The following DNAH8 variants were observed in gnomAD, a reference collection of about 807,000 sequenced individuals.
DNAH8 encodes dynein axonemal heavy chain 8.
DNAH8 carries 382 observed loss-of-function variants against 562.1 expected under a neutral mutation model. The observed-to-expected ratio is 0.68, with a 90% confidence interval of 0.63 to 0.74. The LOEUF is 0.74. Among genes scored for constraint, DNAH8 ranks in the 30% least tolerant of loss-of-function variants. The probability of loss-of-function intolerance (pLI) is 0.00; values close to 1 mark genes in which losing one functional copy is unlikely to be tolerated. For missense variants in DNAH8, 5,203 were observed against 5,620.4 expected, an observed-to-expected ratio of 0.93 and a Z score of 2.37; for synonymous variants, 1,881 against 1,919.4, an observed-to-expected ratio of 0.98 and a Z score of 0.52.
chr6:38,858,871 G>A (rs1583201427), intron 42 of DNAH8, among the ~76,000 whole-genome samples: 1 of 152,144 alleles, frequency 6.6e-6, no homozygotes, highest in Admixed American at 6.5e-5. Context: ...GTCAGCATAC[G>A]TTTGAGGATG....
rs1765981830 is a variant in DNAH8 at position 39,008,818 on chromosome 6, C to G, written c.13219C>G (p.Gln4407Glu). The change falls in exon 89 of 93, where the codon CAG becomes GAG. Residue 4407 changes from glutamine to glutamate, a missense_variant. Around this residue, in one of 6 missense-constraint regions of DNAH8, gnomAD observed 1,399 missense variants for 1,518.4 expected, o/e 0.92. Transcript: ENST00000327475. ...GLHPNADITYQSNTASAVLET... is the reference protein window; with the variant it reads ...GLHPNADITYESNTASAVLET... ...ACAGCTCACTCTTTTTACTAGGTAT[C>G]AGAGTAACACTGCTTCTGCTGTTCT... The G allele has an allele frequency of 1.7e-5, 27 of 1,592,810 alleles. No homozygotes were observed. The highest frequency in any genetic ancestry group is 2.1e-5 in the Non-Finnish European group (25 of 1,163,756).
chr6:38,926,637 A>G (rs1782145581), intron 74 of DNAH8, among the ~76,000 whole-genome samples: 1 of 152,178 alleles, frequency 6.6e-6, no homozygotes, highest in African/African-American at 2.4e-5. Flanking sequence ...AGGTGAGAGT[A>G]GACAAGGGCA....
At chr6:38,923,026 T>G (rs767068252) in intron 71 of DNAH8, 32 bp from the exon 72 acceptor site, 2 of 1,595,834 alleles carry the variant, frequency 1.3e-6, no homozygotes, top group Non-Finnish European at 8.5e-7. Context: ...CTTAGAAAAG[T>G]TTTTTGAGAC....
intron 81 of DNAH8, among the ~76,000 whole-genome samples, chr6:38,950,614 T>A (rs1261408836): frequency 6.6e-6 from 1 of 152,020 alleles, no homozygotes; most frequent in East Asian, 1.9e-4. Context: ...TAATTTTTTG[T>A]ATTTTTAGTA....
rs1777598335 is a variant in DNAH8 at position 38,873,124 on chromosome 6, C to T, written c.7456C>T (p.Leu2486Phe). The part of the protein sequence containing the change: ...MGMVYISSSA[L>F]SWRPILQAWL... ...CATGGTCTATATCAGCAGCTCTGCT[C>T]TCAGCTGGAGGCCAATCTTACAGGT... is the stretch of plus-strand genomic sequence containing the variant. Residue 2486 changes from leucine to phenylalanine, a missense_variant, in exon 51 of 93, where the codon CTC becomes TTC. Leu to Phe is a conservative substitution (Grantham distance 22). Around this residue, in one of 6 missense-constraint regions of DNAH8, gnomAD observed 977 missense variants for 1,061.8 expected, o/e 0.92. Coordinates refer to ENST00000327475, the MANE Select transcript of DNAH8 (RefSeq NM_001206927.2). 1 of 1,613,508 alleles carries T rather than the reference C, an allele frequency of 6.2e-7. No individual in the cohort carries two copies.
At chr6:38,951,587 G>A (rs1031345079) in intron 82 of DNAH8, 67 bp downstream of exon 82, 27 of 1,374,754 alleles carry the variant, frequency 2.0e-5, no homozygotes, top group East Asian at 6.9e-5. Context: ...TTTGCCTTTC[G>A]TAATTTTATA....
At chr6:38,751,778 G>A (rs756860572) in intron 9 of DNAH8, among the ~76,000 whole-genome samples, 5 of 151,988 alleles carry the variant, frequency 3.3e-5, no homozygotes, top group Admixed American at 6.6e-5. Context: ...TTAATAGAAG[G>A]AGAAGTCAAG....
intron 82 of DNAH8, among the ~76,000 whole-genome samples, chr6:38,965,236 T>G (rs571113939): frequency 6.6e-6 from 1 of 152,102 alleles, no homozygotes; most frequent in Non-Finnish European, 1.5e-5. Context: ...TTCCATATAT[T>G]ATATAATACA....
At chr6:38,830,379 A>G (rs1457991864) in intron 30 of DNAH8, among the ~76,000 whole-genome samples, 1 of 151,936 alleles carries the variant, frequency 6.6e-6, no homozygotes. Context: ...TCATGCCTGT[A>G]ATCCCAGCAC....
chr6:38,908,609 G>A (rs879877501), intron 64 of DNAH8, among the ~76,000 whole-genome samples: 4 of 152,180 alleles, frequency 2.6e-5, no homozygotes, highest in Non-Finnish European at 4.4e-5. Flanking sequence ...CTGAAGTGCA[G>A]TGGCATGATC....
chr6:38,909,358 T>C (rs992234774), intron 64 of DNAH8, among the ~76,000 whole-genome samples, 160 bp from the exon 65 acceptor site: 2 of 152,102 alleles, frequency 1.3e-5, no homozygotes, highest in Non-Finnish European at 2.9e-5. Flanking sequence ...GTATATTTCC[T>C]CCCTTCATCA....
intron 16 of DNAH8, among the ~76,000 whole-genome samples, 174 bp from the exon 17 acceptor site, chr6:38,782,830 C>G (rs1241141037): frequency 1.3e-5 from 2 of 152,176 alleles, no homozygotes; most frequent in Non-Finnish European, 2.9e-5. Context: ...GATAACGTTT[C>G]CCTACTTCTG....
At chr6:38,936,754 G>A (rs899704664) in intron 77 of DNAH8, among the ~76,000 whole-genome samples, 2 of 152,096 alleles carry the variant, frequency 1.3e-5, no homozygotes, top group African/African-American at 4.8e-5. Flanking sequence ...AGAGTGTGCT[G>A]GATCAAGACC....
In DNAH8 at chr6:38,851,672, C is replaced by G; in HGVS notation, c.5464C>G (p.Gln1822Glu). 6.3e-7 allele frequency: 1 copy of G among 1,580,640 alleles called. No homozygotes were observed. The highest frequency in any genetic ancestry group is 8.7e-7 in the Non-Finnish European group (1 of 1,152,806). The change falls in exon 39 of 93, where the codon CAG (glutamine) becomes GAG (glutamate). Residue 1822 changes from glutamine to glutamate, a missense_variant and splice_region_variant. Coordinates refer to ENST00000327475, the MANE Select transcript of DNAH8 (RefSeq NM_001206927.2). The stretch of plus-strand genomic sequence containing the variant: ...ACAAGCCAGTGATTCCCACACCATA[C>G]AGGTATAATCTAAGAATCTGTGATC... ...LGQASDSHTI[Q>E]PHLPAVSDNI...
At position 38,842,821 on chromosome 6, in the gene DNAH8, C is replaced by A. The variant is rs148030324; in HGVS notation, c.4763C>A (p.Thr1588Asn). 4 of 1,613,722 alleles carry A rather than the reference C, an allele frequency of 2.5e-6. No individual in the cohort carries two copies. In the African/African-American group the frequency reaches 4.0e-5, roughly 16 times the overall value. The change falls in exon 35 of 93, where the codon ACC (threonine) becomes AAC (asparagine). Residue 1588 changes from threonine to asparagine, a missense_variant. By Grantham distance (65) the Thr-to-Asn change is moderately conservative (BLOSUM62 0). Around this residue, in one of 6 missense-constraint regions of DNAH8, gnomAD observed 2,176 missense variants for 2,365.1 expected, o/e 0.92. Transcript: ENST00000327475. ...GATAGAATCTCCGAGTTAACTGGAA[C>A]CCCATTTGATGTGGAATCTGATTCT... ...HWDRISELTG[T>N]PFDVESDSFC...
In DNAH8 at chr6:38,862,444, G is replaced by A; in HGVS notation, c.6296G>A (p.Gly2099Glu). ...CSDQMDFRGL[G>E]RIFKGLAQSG... is the part of the protein sequence containing the mutation. ...GATCAAATGGATTTCAGAGGCCTAGGAAGGATTTTCAAAGGCAAGTGTCAA... is the reference window on the plus strand; with the variant it reads ...GATCAAATGGATTTCAGAGGCCTAGAAAGGATTTTCAAAGGCAAGTGTCAA... The change falls in exon 44 of 93, where the codon GGA (glycine) becomes GAA (glutamate). Residue 2099 changes from glycine (G) to glutamate (E), a missense_variant. Gly to Glu is a moderately conservative substitution (Grantham distance 98). Coordinates refer to ENST00000327475, the MANE Select transcript of DNAH8 (RefSeq NM_001206927.2). 6.2e-7 allele frequency: 1 copy of A among 1,608,002 alleles called. No individual in the cohort carries two copies. The highest frequency in any genetic ancestry group is 8.5e-7 in the Non-Finnish European group (1 of 1,177,718).
intron 21 of DNAH8, among the ~76,000 whole-genome samples, chr6:38,802,257 T>C (rs1253139668): frequency 6.6e-6 from 1 of 152,020 alleles, no homozygotes; most frequent in Non-Finnish European, 1.5e-5. Context: ...TTACGTTTTT[T>C]TTTTAGAGAT....
chr6:38,924,299 T>C, intron 73 of DNAH8, 137 bp downstream of exon 73: 1 of 767,670 alleles, frequency 1.3e-6, no homozygotes, highest in Non-Finnish European at 2.1e-6. Context: ...GATCATGAGG[T>C]CAGGAGTTCA....
chr6:38,909,664 TGAA>T lies in DNAH8; in HGVS notation c.9661_9663del (p.Glu3221del). On this transcript the variant is annotated inframe_deletion, in exon 65 of 93. Transcript: ENST00000327475. ...CAGACTATAATATTGTCTGCTCTAG[TGAA>T]ATTAAAAGACAAGTTGTAGAAACAA... The T allele has an allele frequency of 6.2e-7, 1 of 1,614,140 alleles. No homozygotes were observed. Among genetic ancestry groups the T allele is most frequent in the Non-Finnish European group, 8.5e-7 (1 of 1,179,980 alleles).
Sources: gnomAD v4.1 joint callset for allele counts (sites outside exome capture counted in the v4.1 genomes callset) on GRCh38, gnomAD v4.1.1 for gene constraint, gnomAD v4.1.1 regional missense constraint, MANE v1.5 for transcripts, NCBI Gene and HGNC (gene_info 2026-07-23, HGNC 2026-07-21) for gene names.